Variants in NEGR1 observed in about 807,000 individuals in gnomAD.
The protein encoded by NEGR1 is IgLON family member 4.
Under a neutral mutation model 40.9 loss-of-function variants are expected in NEGR1, and 10 were observed. The observed-to-expected ratio is 0.24, with a 90% CI of 0.15 to 0.42. The LOEUF (loss-of-function observed/expected upper bound fraction) is 0.42. Among genes scored for constraint, NEGR1 ranks in the 10% least tolerant of loss-of-function variants. NEGR1 has a pLI of 1.00. For synonymous variants in NEGR1, 185 were observed against 166.8 expected, an observed-to-expected ratio of 1.11 and a Z score of -0.84; for missense variants, 352 against 438.9, an observed-to-expected ratio of 0.80 and a Z score of 1.77.
At chr1:71,930,495 C>CTCT (rs1213085709) in intron 2 of NEGR1, among the ~76,000 whole-genome samples, 1 of 152,162 alleles carries the variant, frequency 6.6e-6, no homozygotes, top group Non-Finnish European at 1.5e-5. Flanking sequence ...CTGCATCCTA[C>CTCT]TCTTCTCTTG....
intron 1 of NEGR1, among the ~76,000 whole-genome samples, chr1:72,104,269 T>C (rs997276314): frequency 7.2e-5 from 11 of 152,264 alleles, no homozygotes; most frequent in African/African-American, 2.6e-4. Flanking sequence ...GTTGTGATAC[T>C]GGGAGATAAG....
chr1:71,703,854 C>T (rs1042653062), intron 3 of NEGR1, among the ~76,000 whole-genome samples: 1 of 151,408 alleles, frequency 6.6e-6, no homozygotes, highest in East Asian at 1.9e-4. Flanking sequence ...TGGGGGGGGT[C>T]CCATAAAGGG....
chr1:72,111,774 T>G (rs1649380645), intron 1 of NEGR1, among the ~76,000 whole-genome samples: 1 of 151,810 alleles, frequency 6.6e-6, no homozygotes, highest in South Asian at 2.1e-4. Flanking sequence ...TTTACCGACT[T>G]TGCAACTGAG....
chr1:72,276,775 C>T (rs1327264338), intron 1 of NEGR1, among the ~76,000 whole-genome samples: 1 of 152,128 alleles, frequency 6.6e-6, no homozygotes, highest in East Asian at 1.9e-4. Context: ...AAAACTACCA[C>T]TTTTCACTAT....
intron 1 of NEGR1, among the ~76,000 whole-genome samples, chr1:71,965,449 T>C (rs1646202587): frequency 6.6e-6 from 1 of 152,194 alleles, no homozygotes; most frequent in Non-Finnish European, 1.5e-5. Context: ...TCATAGTCTA[T>C]GTCATGAATG....
chr1:71,496,125 A>G (rs919847824), intron 6 of NEGR1, among the ~76,000 whole-genome samples: 2 of 152,096 alleles, frequency 1.3e-5, no homozygotes, highest in African/African-American at 4.8e-5. Context: ...TTCATGAAAG[A>G]TGCCAATAGT....
chr1:71,677,228 A>G (rs1652670570), intron 4 of NEGR1, among the ~76,000 whole-genome samples: 1 of 152,010 alleles, frequency 6.6e-6, no homozygotes. Context: ...TCCATGATTC[A>G]TTGATGGTGA....
chr1:72,024,062 A>C (rs906173198), intron 1 of NEGR1, among the ~76,000 whole-genome samples: 2 of 152,148 alleles, frequency 1.3e-5, no homozygotes, highest in African/African-American at 4.8e-5. Flanking sequence ...ACTTAGCTCT[A>C]ATATAAAATT....
At chr1:71,898,442 C>A (rs1182277093) in intron 2 of NEGR1, among the ~76,000 whole-genome samples, 1 of 152,020 alleles carries the variant, frequency 6.6e-6, no homozygotes, top group Non-Finnish European at 1.5e-5. Flanking sequence ...ATTGAAACCC[C>A]GTCTCTACTA....
chr1:71,815,191 T>C (rs1658157401), intron 2 of NEGR1, among the ~76,000 whole-genome samples: 1 of 152,142 alleles, frequency 6.6e-6, no homozygotes, highest in Non-Finnish European at 1.5e-5. Context: ...AGAAGGTTGT[T>C]CCATTTCCAT....
At chr1:71,466,346 T>C (rs953683624) in intron 6 of NEGR1, among the ~76,000 whole-genome samples, 1 of 152,130 alleles carries the variant, frequency 6.6e-6, no homozygotes, top group Admixed American at 6.6e-5. Flanking sequence ...ATTTACTTTC[T>C]GTATGTCCTC....
At chr1:71,934,061 A>G (rs1570524396) in intron 2 of NEGR1, among the ~76,000 whole-genome samples, 2 of 152,188 alleles carry the variant, frequency 1.3e-5, no homozygotes, top group East Asian at 3.9e-4. Flanking sequence ...CAACTTTCCT[A>G]TTAGGAATAA....
chr1:71,962,795 TC>T (rs992261537), intron 1 of NEGR1, among the ~76,000 whole-genome samples: 1 of 151,594 alleles, frequency 6.6e-6, no homozygotes, highest in African/African-American at 2.4e-5. Context: ...TGTAAGTATA[TC>T]TTTTGTTCTT....
intron 3 of NEGR1, among the ~76,000 whole-genome samples, chr1:71,763,043 T>A (rs1312634206): frequency 6.6e-6 from 1 of 151,968 alleles, no homozygotes; most frequent in Admixed American, 6.6e-5. Context: ...GGGTTAGGCA[T>A]GGTGCATGGG....
intron 2 of NEGR1, among the ~76,000 whole-genome samples, chr1:71,796,440 G>A (rs1169726630): frequency 6.6e-6 from 1 of 152,100 alleles, no homozygotes; most frequent in Non-Finnish European, 1.5e-5. Flanking sequence ...TCGAGAAACA[G>A]GTTTTGATTT....
chr1:72,144,463 C>T (rs1650833063), intron 1 of NEGR1, among the ~76,000 whole-genome samples: 1 of 151,424 alleles, frequency 6.6e-6, no homozygotes, highest in Non-Finnish European at 1.5e-5. Flanking sequence ...CATATATGCA[C>T]ATAAACTGTA....
intron 6 of NEGR1, among the ~76,000 whole-genome samples, chr1:71,471,690 T>C (rs938641873): frequency 4.6e-5 from 7 of 151,910 alleles, no homozygotes; most frequent in Non-Finnish European, 1.0e-4. Context: ...TTTAATCAAA[T>C]GTTAGGTGCT....
intron 1 of NEGR1, among the ~76,000 whole-genome samples, chr1:72,171,809 T>C (rs1452589246): frequency 6.6e-6 from 1 of 152,152 alleles, no homozygotes; most frequent in African/African-American, 2.4e-5. Context: ...TTTTGTGAAG[T>C]TTTATGAGGA....
At chr1:71,531,986 C>A (rs948211035) in intron 6 of NEGR1, among the ~76,000 whole-genome samples, 1 of 151,200 alleles carries the variant, frequency 6.6e-6, no homozygotes, top group Non-Finnish European at 1.5e-5. Flanking sequence ...AATTTAGTGC[C>A]ATTTCTGGAA....
Sources: gnomAD v4.1 joint callset for allele counts (sites outside exome capture counted in the v4.1 genomes callset) on GRCh38, gnomAD v4.1.1 for gene constraint, MANE v1.5 for transcripts, NCBI Gene and HGNC (gene_info 2026-07-23, HGNC 2026-07-21) for gene names.